DAAM2: variants seen among roughly 807,000 people sequenced by gnomAD.
DAAM2 encodes the protein dishevelled associated activator of morphogenesis 2.
A neutral mutation model predicts 120.7 loss-of-function variants in DAAM2; 39 were observed. The observed-to-expected ratio is 0.32, with a 90% CI of 0.25 to 0.42. The LOEUF is 0.42. Among genes scored for constraint, DAAM2 ranks in the 10% least tolerant of loss-of-function variants. The pLI is 1.00. For missense variants in DAAM2, 1,283 were observed against 1,401.7 expected, an observed-to-expected ratio of 0.92 and a Z score of 1.35; for synonymous variants, 488 against 524.9, an observed-to-expected ratio of 0.93 and a Z score of 0.96.
At chr6:39,826,811 A>G (rs192974732) in intron 1 of DAAM2, among the ~76,000 whole-genome samples, 4 of 152,326 alleles carry the variant, frequency 2.6e-5, no homozygotes, top group Admixed American at 2.6e-4. Flanking sequence ...TGGCAAATCC[A>G]AATGTCTTGG....
chr6:39,869,153 C>T (rs929759527), intron 7 of DAAM2, among the ~76,000 whole-genome samples: 5 of 151,742 alleles, frequency 3.3e-5, no homozygotes, highest in Admixed American at 6.6e-5. Flanking sequence ...GGGAGGAGGG[C>T]GAGTTTGGGC....
intron 1 of DAAM2, among the ~76,000 whole-genome samples, chr6:39,847,396 G>C (rs73734920): frequency 0.028 from 4,248 of 152,234 alleles, 187 homozygotes; most frequent in African/African-American, 0.096. Context: ...CAGCAACCCC[G>C]TCTGTGTGAG....
chr6:39,848,731 C>G (rs942317573), intron 1 of DAAM2: 2 of 152,322 alleles, frequency 1.3e-5, no homozygotes, highest in South Asian at 4.1e-4. Flanking sequence ...CTGGAAAGAG[C>G]GTGTGCTTAT....
intron 1 of DAAM2, among the ~76,000 whole-genome samples, chr6:39,844,910 TCCA>T (rs1013712933): frequency 6.6e-6 from 1 of 151,124 alleles, no homozygotes; most frequent in Non-Finnish European, 1.5e-5. Flanking sequence ...CCTACACCCC[TCCA>T]CCACACATAC....
At chr6:39,794,662 C>T (rs891139614) in intron 1 of DAAM2, among the ~76,000 whole-genome samples, 8 of 152,102 alleles carry the variant, frequency 5.3e-5, no homozygotes, top group South Asian at 2.1e-4. Flanking sequence ...TCTTCTTTCC[C>T]GACTGTCTCC....
chr6:39,803,916 C>T (rs955419537), intron 1 of DAAM2, among the ~76,000 whole-genome samples: 1 of 152,154 alleles, frequency 6.6e-6, no homozygotes. Flanking sequence ...CTTTCTAAAC[C>T]AGGACTCTCA....
chr6:39,820,093 A>T (rs2114123700), intron 1 of DAAM2: 1 of 151,072 alleles, frequency 6.6e-6, no homozygotes, highest in Admixed American at 6.7e-5. Flanking sequence ...GTCTGGAAAG[A>T]TGGCAAAGAC....
intron 11 of DAAM2, 64 bp downstream of exon 11, chr6:39,875,532 C>G (rs1408034047): frequency 1.3e-6 from 2 of 1,558,342 alleles, no homozygotes; most frequent in African/African-American, 2.7e-5. Flanking sequence ...CCACTCTGGT[C>G]TCACCAGCGA....
At chr6:39,856,011 A>G in intron 1 of DAAM2, 1 of 984,364 alleles carries the variant, frequency 1.0e-6, no homozygotes, top group South Asian at 4.7e-5. Flanking sequence ...GTGTCTTGGC[A>G]GATAACACTC....
In DAAM2 at chr6:39,875,556, T is replaced by A. The variant is rs1217607994; in HGVS notation, c.1301+88T>A. 2.2e-5 allele frequency: 32 copies of A among 1,481,430 alleles called. No homozygotes were observed. The East Asian group carries it at 6.2e-4, about 29-fold the overall frequency. 91.8% of individuals were successfully genotyped at this position (1,481,430 alleles called of 1,614,324 possible). A position where few individuals can be genotyped will look rare whatever the true frequency, so the allele number is the denominator to read the frequency against. On this transcript the variant is annotated intron_variant, in intron 11 of 24. Transcript: ENST00000274867. ...TCTCACCAGCGAAACCTCAGCTCCC[T>A]TTCGCAACCCAGTCATCCCGAAATG...
chr6:39,806,515 C>T lies in DAAM2; in HGVS notation c.-57+14050C>T, dbSNP rs114124230. 6.2e-3 allele frequency among the ~76,000 whole-genome samples: 944 copies of T among 152,156 alleles called. 4 individuals carry two copies. The highest frequency in any genetic ancestry group is 0.01 in the Non-Finnish European group (699 of 67,996). On this transcript the variant is annotated intron_variant, in intron 1 of 24. Transcript: ENST00000274867. ...CTAAAAAGTGCATTCCCCACATTGC[C>T]CAGGAATGGCTGGAATTTCTGCTTC...
At chr6:39,899,217 T>A (rs1026263287) in intron 22 of DAAM2, among the ~76,000 whole-genome samples, 6 of 152,168 alleles carry the variant, frequency 3.9e-5, no homozygotes, top group Non-Finnish European at 8.8e-5. Context: ...TGGATTCAAG[T>A]GCATGGGAAA....
intron 1 of DAAM2, among the ~76,000 whole-genome samples, chr6:39,846,848 T>A (rs1337451296): frequency 6.6e-6 from 1 of 152,162 alleles, no homozygotes; most frequent in South Asian, 2.1e-4. Flanking sequence ...GCCCAACAAA[T>A]ATTTGTTTGA....
chr6:39,816,818 ATCCAGGTCTGTT>A (rs1193034345), intron 1 of DAAM2, among the ~76,000 whole-genome samples: 1 of 152,208 alleles, frequency 6.6e-6, no homozygotes, highest in East Asian at 1.9e-4. Context: ...AGCCAAGGAC[ATCCAGGTCTGTT>A]TCCAGTACCG....
Position 39,816,135 on chromosome 6 carries a change from G to A in DAAM2, c.-57+23670G>A, listed in dbSNP as rs563718923. ...TTCTCTATAGGTATATGAATCACACGTTGTATTTTTTCTAGTAAATACTTG... is the reference window on the plus strand; with the variant it reads ...TTCTCTATAGGTATATGAATCACACATTGTATTTTTTCTAGTAAATACTTG... On this transcript the variant is annotated intron_variant, in intron 1 of 24. Coordinates refer to ENST00000274867, the MANE Select transcript of DAAM2 (RefSeq NM_001201427.2). Among the ~76,000 whole-genome samples, 7 of 152,312 alleles carry A rather than the reference G, an allele frequency of 4.6e-5. No homozygotes were observed. The South Asian group carries it at 8.3e-4, about 18-fold the overall frequency.
At position 39,823,192 on chromosome 6, in the gene DAAM2, A is replaced by G. The variant is rs574553038; in HGVS notation, c.-57+30727A>G. On this transcript the variant is annotated intron_variant, in intron 1 of 24. Coordinates refer to ENST00000274867, the MANE Select transcript of DAAM2 (RefSeq NM_001201427.2). ...TGCTTTGTTTCTCAAACTGGGCTCT[A>G]CACTGTGTGCTTCAAAGGCCCAAAG... The G allele has an allele frequency of 5.9e-5, 9 of 152,298 alleles. No homozygotes were observed. The South Asian group carries it at 1.7e-3, about 28-fold the overall frequency. The allele number at this position is 152,298 out of a possible 1,614,324, so 9.4% of individuals were successfully genotyped here. A position where few individuals can be genotyped will look rare whatever the true frequency, so the allele number is the denominator to read the frequency against.
chr6:39,831,971 G>A (rs1284311927), intron 1 of DAAM2, among the ~76,000 whole-genome samples: 1 of 105,880 alleles, frequency 9.4e-6, no homozygotes, highest in Non-Finnish European at 1.9e-5. Flanking sequence ...CACTGGGGGG[G>A]TAGGTGCACT....
intron 15 of DAAM2, 175 bp from the exon 16 acceptor site, chr6:39,887,311 T>C: frequency 1.8e-6 from 1 of 558,024 alleles, no homozygotes; most frequent in East Asian, 3.0e-5. Context: ...AAGTCCCAGA[T>C]ACCGTCTCTT....
chr6:39,847,658 A>AC (rs1290486262), intron 1 of DAAM2, among the ~76,000 whole-genome samples: 6 of 151,006 alleles, frequency 4.0e-5, no homozygotes, highest in Non-Finnish European at 8.9e-5. Context: ...ACGTGCCGGC[A>AC]CCCCTCCGTG....
Sources: allele counts gnomAD v4.1 joint callset (sites outside exome capture counted in the v4.1 genomes callset), GRCh38; gene constraint gnomAD v4.1.1; transcripts MANE v1.5; gene names NCBI Gene and HGNC (gene_info 2026-07-23, HGNC 2026-07-21).